ANO7: variants seen among roughly 807,000 people sequenced by gnomAD.
The protein encoded by ANO7 is anoctamin 7, also known as anoctamin-7.
In ANO7, 114 loss-of-function variants were observed where a neutral mutation model predicts 115.8. That is an observed-to-expected ratio of 0.98 (90% CI 0.85 to 1.15). ANO7 has a LOEUF of 1.15. Among genes scored for constraint, ANO7 ranks in the 50% most tolerant of loss-of-function variants. The pLI is 0.00. For synonymous variants in ANO7, 550 were observed against 498.2 expected (o/e 1.10, Z -1.38); for missense variants, 1,302 against 1,201.2 (o/e 1.08, Z -1.24).
intron 21 of ANO7, among the ~76,000 whole-genome samples, chr2:241,220,051 A>T (rs531658534): frequency 6.6e-6 from 1 of 152,284 alleles, no homozygotes; most frequent in Admixed American, 6.5e-5. Context: ...ACATGAAAAA[A>T]CATTTTCAGT....
intron 2 of ANO7, among the ~76,000 whole-genome samples, chr2:241,190,863 C>G (rs1413123275): frequency 6.6e-6 from 1 of 152,230 alleles, no homozygotes; most frequent in Admixed American, 6.5e-5. Flanking sequence ...GCAGGCACCC[C>G]TGGTCCTGGC....
rs771272277 is a variant in ANO7, at chr2:241,212,119, C to G, written c.1587C>G (p.Phe529Leu). The change falls in exon 16 of 25, where the codon TTC (phenylalanine) becomes TTG (leucine). Residue 529 changes from phenylalanine to leucine, a missense_variant. Transcript: ENST00000674324. ...RWEMHRTQTK[F>L]EDAFTLKVFI... ...AAATGCACCGCACCCAGACCAAGTT[C>G]GAGGACGCCTTCACCCTCAAGGTGT... is the stretch of plus-strand genomic sequence containing the variant. 1.2e-6 allele frequency: 2 copies of G among 1,614,074 alleles called. No individual in the cohort carries two copies. The highest frequency in any genetic ancestry group is 1.1e-5 in the South Asian group (1 of 91,082).
At chr2:241,239,909 G>C in the ANO7 span, 27 of 1,613,932 alleles carry the variant, frequency 1.7e-5, no homozygotes, top group Non-Finnish European at 2.3e-5. This position sits in a 1 kb window ranked among gnomAD's most constrained non-coding sequence, Gnocchi z 4.6. Flanking sequence ...ACCAGGTTTT[G>C]GATCAAGGCC....
chr2:241,238,296 TGGA>T, the ANO7 span: 1 of 164,106 alleles, frequency 6.1e-6, no homozygotes, highest in Non-Finnish European at 1.3e-5. This position sits in a 1 kb window ranked among gnomAD's most constrained non-coding sequence, Gnocchi z 4.9. Context: ...ATGGGAGATG[TGGA>T]GGAGGAAGCT....
In ANO7 at chr2:241,217,811, C is replaced by T. The variant is rs1559455481; in HGVS notation, c.2098C>T (p.Pro700Ser). Residue 700 changes from proline to serine, a missense_variant, in exon 20 of 25, where the codon CCG becomes TCG. By Grantham distance (74) the Pro-to-Ser change is moderately conservative. Coordinates refer to ENST00000674324, the MANE Select transcript of ANO7 (RefSeq NM_001370694.2). ...ARKFVCEYRR[P>S]VAERAQDIGI... ...CAAGTTCGTCTGCGAGTACCGGCGC[C>T]CGGTGGCCGAGCGCGCCCAGGACAT... is the stretch of plus-strand genomic sequence containing the variant. 1.2e-6 allele frequency: 2 copies of T among 1,610,468 alleles called. No homozygotes were observed. The highest frequency in any genetic ancestry group is 1.7e-6 in the Non-Finnish European group (2 of 1,179,118).
intron 21 of ANO7, 93 bp downstream of exon 21, chr2:241,218,474 G>A (rs989284622): frequency 1.7e-6 from 2 of 1,160,742 alleles, no homozygotes; most frequent in South Asian, 3.6e-5. Context: ...GTGGGGAGCC[G>A]GGAGGGGCGG....
At chr2:241,206,832 G>A (rs1245536296) in intron 10 of ANO7, among the ~76,000 whole-genome samples, 13 of 28,950 alleles carry the variant, frequency 4.5e-4, no homozygotes, top group South Asian at 2.5e-3. Flanking sequence ...ACACAGGTGG[G>A]CAGGAGTGCT....
Position 241,204,854 on chromosome 2 carries a change from C to T in ANO7, c.890-11C>T, listed in dbSNP as rs2068552655. 1.9e-6 allele frequency: 3 copies of T among 1,610,980 alleles called. No homozygotes were observed. Among genetic ancestry groups the T allele is most frequent in the Non-Finnish European group, 2.5e-6 (3 of 1,177,564 alleles). ...GTTCCTGATGGTGGACCCCTGCCAT[C>T]CTCTCTACAGGGTTTTACACAGGCT... On this transcript the variant is annotated splice_polypyrimidine_tract_variant and intron_variant, in intron 9 of 24. Coordinates refer to ENST00000674324, the MANE Select transcript of ANO7 (RefSeq NM_001370694.2).
chr2:241,236,977 T>TGGGGGGGG, the ANO7 span, among the ~76,000 whole-genome samples: 1 of 108,198 alleles, frequency 9.2e-6, no homozygotes. Context: ...TCCCAGACCT[T>TGGGGGGGG]GGGGGGGGGG....
chr2:241,228,674 A>C (rs572228244), downstream of ANO7: 1 of 152,604 alleles, frequency 6.6e-6, no homozygotes, highest in African/African-American at 2.4e-5. Flanking sequence ...CACAGAGACC[A>C]CTCCACGCCG....
intron 19 of ANO7, among the ~76,000 whole-genome samples, chr2:241,216,637 G>C (rs2068834589): frequency 6.6e-6 from 1 of 152,246 alleles, no homozygotes; most frequent in Non-Finnish European, 1.5e-5. Flanking sequence ...AATGTTCCCA[G>C]AAATCTCAAT....
Position 241,223,714 on chromosome 2 carries a change from C to T in ANO7, c.2465C>T (p.Pro822Leu), listed in dbSNP as rs376890842. ...RLLDLLVPDI[P>L]ESVEIKVKRE... The stretch of plus-strand genomic sequence containing the variant: ...CTGGACCTCCTGGTGCCTGACATCC[C>T]AGAGTCTGTGGAGATCAAAGTGAAG... Residue 822 changes from proline (P) to leucine (L), a missense_variant, in exon 23 of 25, where the codon CCA becomes CTA. By Grantham distance (98) the Pro-to-Leu change is moderately conservative. Transcript: ENST00000674324. The T allele has an allele frequency of 1.9e-5, 31 of 1,614,132 alleles. No individual in the cohort carries two copies. The highest frequency in any genetic ancestry group is 2.6e-5 in the Non-Finnish European group (31 of 1,180,016).
chr2:241,231,545 T>C, the ANO7 span, among the ~76,000 whole-genome samples: 1 of 152,156 alleles, frequency 6.6e-6, no homozygotes, highest in Non-Finnish European at 1.5e-5. Flanking sequence ...AATTCTGGAC[T>C]CAAGGACAGC....
chr2:241,216,909 C>T (rs2068844786), intron 19 of ANO7, among the ~76,000 whole-genome samples: 1 of 152,242 alleles, frequency 6.6e-6, no homozygotes. Context: ...TCTCGGCTCA[C>T]TCCAACCTCC....
chr2:241,215,918 TGCAAA>T (rs954704026), intron 18 of ANO7, among the ~76,000 whole-genome samples, 170 bp from the exon 19 acceptor site: 16 of 152,324 alleles, frequency 1.1e-4, no homozygotes, highest in African/African-American at 3.8e-4. Context: ...GAGTCCGATC[TGCAAA>T]GCTGTTGGCT....
rs369123528 is a variant in ANO7, at chr2:241,203,453, C to A, written c.844C>A (p.Arg282Ser). The change falls in exon 9 of 25, where the codon CGC (arginine) becomes AGC (serine). Residue 282 changes from arginine to serine, a missense_variant. Transcript: ENST00000674324. The surrounding 1 kb of genome is among the most constrained non-coding windows in gnomAD (Gnocchi z 4.8). ...WNKYQPLDHV[R>S]RYFGEKVALY... is the part of the protein sequence containing the mutation. ...CAAGTACCAGCCCCTGGACCACGTG[C>A]GCAGGTACTTCGGGGAGAAGGTGGC... The A allele has an allele frequency of 6.3e-7, 1 of 1,575,194 alleles. No homozygotes were observed. Among genetic ancestry groups the A allele is most frequent in the Non-Finnish European group, 8.6e-7 (1 of 1,162,022 alleles).
At chr2:241,212,760 GT>G in intron 17 of ANO7, 134 bp downstream of exon 17, 10 of 1,024,924 alleles carry the variant, frequency 9.8e-6, no homozygotes, top group Non-Finnish European at 1.1e-5. Flanking sequence ...AGGGCCAGCT[GT>G]GCAGCTGACC....
At chr2:241,219,259 C>T (rs2068950541) in intron 21 of ANO7, among the ~76,000 whole-genome samples, 2 of 152,206 alleles carry the variant, frequency 1.3e-5, no homozygotes, top group African/African-American at 2.4e-5. Flanking sequence ...GAGCAAATCT[C>T]AGCAGTAAAA....
rs1191286638 is a variant in ANO7, at chr2:241,212,627, G to T, written c.1728+1G>T. 6.2e-7 allele frequency: 1 copy of T among 1,612,522 alleles called. No homozygotes were observed. The highest frequency in any genetic ancestry group is 1.3e-5 in the African/African-American group (1 of 75,050). Reference sequence around the variant, plus strand: ...CTTGTTTGGAGTCCGCAATGAGGAGGTGAGTGTGCCTGAGGCCCGGGACTG... The same window carrying T: ...CTTGTTTGGAGTCCGCAATGAGGAGTTGAGTGTGCCTGAGGCCCGGGACTG... On this transcript the variant is annotated splice_donor_variant, in intron 17 of 24. Coordinates refer to ENST00000674324, the MANE Select transcript of ANO7 (RefSeq NM_001370694.2). LOFTEE classifies it high-confidence loss of function.
Sources: allele counts gnomAD v4.1 joint callset (sites outside exome capture counted in the v4.1 genomes callset), GRCh38; gene constraint gnomAD v4.1.1; non-coding constraint Gnocchi (gnomAD v3.1); transcripts MANE v1.5; gene names NCBI Gene and HGNC (gene_info 2026-07-23, HGNC 2026-07-21).